SPAG16: variants seen among roughly 807,000 people sequenced by gnomAD.
SPAG16 encodes the protein sperm-associated antigen 16 protein.
Under a neutral mutation model 80.4 loss-of-function variants are expected in SPAG16, and 86 were observed. The observed-to-expected ratio is 1.07, with a 90% CI of 0.90 to 1.28. SPAG16 has a LOEUF of 1.28. Ranked by LOEUF, SPAG16 falls within the 50% of genes most tolerant of loss-of-function variation. The pLI, the probability that SPAG16 is intolerant of heterozygous loss-of-function variation, is 0.00. For missense variants in SPAG16, 870 were observed against 765.3 expected, an observed-to-expected ratio of 1.14 and a Z score of -1.61; for synonymous variants, 294 against 265.9, an observed-to-expected ratio of 1.11 and a Z score of -1.03.
chr2:214,405,488 A>C (rs1701945461), intron 15 of SPAG16, among the ~76,000 whole-genome samples: 1 of 152,168 alleles, frequency 6.6e-6, no homozygotes, highest in South Asian at 2.1e-4. Flanking sequence ...TGAGTAATAA[A>C]GTTTTCAATT....
chr2:213,940,203 G>A (rs2079141817), intron 12 of SPAG16, among the ~76,000 whole-genome samples: 1 of 152,120 alleles, frequency 6.6e-6, no homozygotes, highest in Admixed American at 6.6e-5. Context: ...TAAAATATCT[G>A]ACAAGTTTAT....
In SPAG16 at chr2:214,012,259, CAT is replaced by C. The variant is rs1163146309; in HGVS notation, c.1401-1663_1401-1662del. Among the ~76,000 whole-genome samples, 127 of 39,808 alleles carry C rather than the reference CAT, an allele frequency of 3.2e-3. 4 individuals are homozygous for C. Among genetic ancestry groups the C allele is most frequent in the East Asian group, 9.5e-3 (12 of 1,264 alleles). 26.1% of individuals were successfully genotyped at this position (39,808 alleles called of 152,430 possible). A position where few individuals can be genotyped will look rare whatever the true frequency, so the allele number is the denominator to read the frequency against. On this transcript the variant is annotated intron_variant, in intron 12 of 15. Transcript: ENST00000331683. Reference sequence around the variant, plus strand: ...TTATATATATATATTTTTATACTTACATATATATATATATATATATATATATA... The same window carrying C: ...TTATATATATATATTTTTATACTTACATATATATATATATATATATATATA...
chr2:214,264,405 G>C (rs1553540052), intron 15 of SPAG16, among the ~76,000 whole-genome samples: 1 of 152,004 alleles, frequency 6.6e-6, no homozygotes, highest in Non-Finnish European at 1.5e-5. Context: ...TAATCCATTT[G>C]CCTAGACTGC....
At chr2:214,357,623 T>G (rs1698904810) in intron 15 of SPAG16, among the ~76,000 whole-genome samples, 1 of 152,022 alleles carries the variant, frequency 6.6e-6, no homozygotes, top group Admixed American at 6.6e-5. Flanking sequence ...ATATTGTCCT[T>G]TATTTTTTAA....
chr2:213,747,463 C>T (rs2067878698), intron 10 of SPAG16, among the ~76,000 whole-genome samples: 1 of 152,198 alleles, frequency 6.6e-6, no homozygotes, highest in African/African-American at 2.4e-5. Flanking sequence ...CACTCACTCA[C>T]TTTCTTACCT....
At chr2:213,314,978 T>A (rs989801801) in intron 4 of SPAG16, among the ~76,000 whole-genome samples, 2 of 151,482 alleles carry the variant, frequency 1.3e-5, no homozygotes, top group Non-Finnish European at 2.9e-5. Context: ...GCTCTTTTTT[T>A]AGAAAAAATC....
intron 10 of SPAG16, among the ~76,000 whole-genome samples, chr2:213,831,201 A>G (rs1304483079): frequency 6.6e-6 from 1 of 151,346 alleles, no homozygotes; most frequent in African/African-American, 2.4e-5. Flanking sequence ...CACTGCATCC[A>G]GCTGATTTTT....
intron 10 of SPAG16, among the ~76,000 whole-genome samples, chr2:213,714,208 G>T (rs371107646): frequency 5.6e-4 from 86 of 152,222 alleles, no homozygotes; most frequent in African/African-American, 2.0e-3. Flanking sequence ...ACAACTCGAG[G>T]ACAATATATT....
chr2:214,362,283 A>G (rs1209685430), intron 15 of SPAG16, among the ~76,000 whole-genome samples: 1 of 151,902 alleles, frequency 6.6e-6, no homozygotes, highest in Non-Finnish European at 1.5e-5. Context: ...TCCTAAGTAC[A>G]TCAGAATGTG....
intron 9 of SPAG16, among the ~76,000 whole-genome samples, chr2:213,412,634 G>T (rs796079076): frequency 7.0e-4 from 93 of 132,384 alleles, no homozygotes; most frequent in African/African-American, 3.6e-3. Context: ...ATTTTTTTTT[G>T]TTTGTTTGGC....
intron 3 of SPAG16, among the ~76,000 whole-genome samples, chr2:213,304,382 G>C (rs971923899): frequency 6.6e-6 from 1 of 152,002 alleles, no homozygotes; most frequent in Non-Finnish European, 1.5e-5. Context: ...TAACTGATGT[G>C]ATCCCATTTG....
intron 15 of SPAG16, among the ~76,000 whole-genome samples, chr2:214,196,258 G>A (rs549717650): frequency 2.6e-5 from 4 of 152,038 alleles, no homozygotes; most frequent in African/African-American, 4.8e-5. Flanking sequence ...CTTCTCTACC[G>A]TTTTCTCCCT....
intron 10 of SPAG16, among the ~76,000 whole-genome samples, chr2:213,786,699 C>T (rs777832932): frequency 4.2e-4 from 64 of 152,054 alleles, no homozygotes; most frequent in Non-Finnish European, 8.2e-4. Flanking sequence ...TAATAGTTGA[C>T]TAAGAGCTTA....
chr2:214,156,524 A>G (rs2056221080), intron 15 of SPAG16, among the ~76,000 whole-genome samples: 1 of 152,216 alleles, frequency 6.6e-6, no homozygotes, highest in African/African-American at 2.4e-5. Context: ...TCACACCTGT[A>G]ATCCGAGTAC....
chr2:214,137,665 T>C (rs896385403), intron 14 of SPAG16, among the ~76,000 whole-genome samples: 2 of 152,164 alleles, frequency 1.3e-5, no homozygotes, highest in African/African-American at 4.8e-5. Flanking sequence ...TAACCATACA[T>C]GGGCTTGAAT....
chr2:214,397,034 TG>T (rs1396631330), intron 15 of SPAG16, among the ~76,000 whole-genome samples: 1 of 151,976 alleles, frequency 6.6e-6, no homozygotes, highest in Non-Finnish European at 1.5e-5. Flanking sequence ...TAAAATCCAG[TG>T]CAGCTTGCTG....
intron 11 of SPAG16, among the ~76,000 whole-genome samples, chr2:213,888,530 A>G (rs1325679276): frequency 6.6e-6 from 1 of 151,616 alleles, no homozygotes; most frequent in African/African-American, 2.4e-5. Context: ...TATTTAATAA[A>G]TAAATATGTT....
chr2:213,728,817 C>T (rs1257058699), intron 10 of SPAG16, among the ~76,000 whole-genome samples: 2 of 135,902 alleles, frequency 1.5e-5, no homozygotes, highest in African/African-American at 2.8e-5. Context: ...GCAGAGCTTG[C>T]GGTGAGCTGA....
chr2:214,164,159 T>C (rs1347249065), intron 15 of SPAG16, among the ~76,000 whole-genome samples: 1 of 152,018 alleles, frequency 6.6e-6, no homozygotes, highest in Non-Finnish European at 1.5e-5. Flanking sequence ...AATAGAGCAA[T>C]GAAAAAATAT....
Sources: gnomAD v4.1 joint callset for allele counts (sites outside exome capture counted in the v4.1 genomes callset) on GRCh38, gnomAD v4.1.1 for gene constraint, MANE v1.5 for transcripts, NCBI Gene and HGNC (gene_info 2026-07-23, HGNC 2026-07-21) for gene names.